Variants in PPIB observed in about 807,000 individuals in gnomAD.
PPIB encodes the protein peptidylprolyl isomerase B, also known as peptidyl-prolyl cis-trans isomerase B.
PPIB carries 15 observed loss-of-function variants against 20.1 expected under a neutral mutation model. The ratio of observed to expected loss-of-function variants is 0.75; its 90% CI spans 0.50 to 1.15. The LOEUF (loss-of-function observed/expected upper bound fraction) is 1.15. Among genes scored for constraint, PPIB ranks in the 50% most tolerant of loss-of-function variants. The probability of loss-of-function intolerance (pLI) is 0.00; values close to 1 mark genes in which losing one functional copy is unlikely to be tolerated. For synonymous variants in PPIB, 129 were observed against 111.0 expected (o/e 1.16, Z -1.02); for missense variants, 278 against 283.0 (o/e 0.98, Z 0.13).
At position 64,160,141 on chromosome 15, in the gene PPIB, G is replaced by A; in HGVS notation, c.306C>T (p.Ile102=). Residue 102 remains isoleucine, a synonymous_variant, in exon 3 of 5, where the codon ATC becomes ATT. Transcript: ENST00000300026. The surrounding 1 kb of genome is among the most constrained non-coding windows in gnomAD (Gnocchi z 4.8). ...KFHRVIKDFM[I]QGGDFTRGDG... The stretch of plus-strand genomic sequence containing the variant: ...CTCCCCTGGTGAAGTCTCCGCCCTG[G>A]ATCATGAAGTCCTTGATTACACGAT... 1.9e-6 allele frequency: 3 copies of A among 1,614,110 alleles called. No individual in the cohort carries two copies. Among genetic ancestry groups the A allele is most frequent in the Admixed American group, 3.3e-5 (2 of 60,022 alleles).
chr15:64,162,088 T>A lies in PPIB; in HGVS notation c.202A>T (p.Thr68Ser). 1.2e-6 allele frequency: 2 copies of A among 1,614,152 alleles called. No homozygotes were observed. The highest frequency in any genetic ancestry group is 2.2e-5 in the South Asian group (2 of 91,086). ...AAATTATCCACTGTTTTTGGAACAG[T>A]CTTTCCGAAGAGACCAAAGATCACC... The part of the protein sequence containing the change: ...GRVIFGLFGK[T>S]VPKTVDNFVA... The change falls in exon 2 of 5, where the codon ACT becomes TCT. Residue 68 changes from threonine (T) to serine (S), a missense_variant. Physicochemically the swap from Thr to Ser is moderately conservative, Grantham distance 58. Coordinates refer to ENST00000300026, the MANE Select transcript of PPIB (RefSeq NM_000942.5).
rs747235485 is a variant in PPIB at position 64,159,680 on chromosome 15, A to G, written c.343+424T>C. 3.6e-6 allele frequency: 1 copy of G among 277,698 alleles called. No homozygotes were observed. Among genetic ancestry groups the G allele is most frequent in the Non-Finnish European group, 7.0e-6 (1 of 142,172 alleles). The allele number at this position is 277,698 out of a possible 1,614,324, so 17.2% of individuals were successfully genotyped here. A position where few individuals can be genotyped will look rare whatever the true frequency, so the allele number is the denominator to read the frequency against. On this transcript the variant is annotated intron_variant, in intron 3 of 4. Coordinates refer to ENST00000300026, the MANE Select transcript of PPIB (RefSeq NM_000942.5). This position sits in a 1 kb window ranked among gnomAD's most constrained non-coding sequence, Gnocchi z 5.1. ...GCCTTCCAAAGTGCTGGGATCACAG[A>G]GTCACCACGCCTGGCCCTCTCACTC... is the stretch of plus-strand genomic sequence containing the variant.
chr15:64,156,004 A>C lies in PPIB; in HGVS notation c.*19T>G. The C allele has an allele frequency of 1.2e-6, 2 of 1,614,098 alleles. No homozygotes were observed. The highest frequency in any genetic ancestry group is 1.7e-6 in the Non-Finnish European group (2 of 1,179,982). On this transcript the variant is annotated 3_prime_UTR_variant, in exon 5 of 5. Coordinates refer to ENST00000300026, the MANE Select transcript of PPIB (RefSeq NM_000942.5). The surrounding 1 kb of genome is among the most constrained non-coding windows in gnomAD (Gnocchi z 6.4). ...AGGGCCTGCACAGACGGTCACTCAA[A>C]GAAAGATGTCCCTGTGCCCTACTCC... is the stretch of plus-strand genomic sequence containing the variant.
At position 64,155,983 on chromosome 15, in the gene PPIB, C is replaced by T. The variant is rs2081526877; in HGVS notation, c.*40G>A. 1.9e-6 allele frequency: 3 copies of T among 1,613,734 alleles called. No individual in the cohort carries two copies. In the Admixed American group the frequency reaches 5.0e-5, roughly 27 times the overall value. On this transcript the variant is annotated 3_prime_UTR_variant, in exon 5 of 5. Coordinates refer to ENST00000300026, the MANE Select transcript of PPIB (RefSeq NM_000942.5). Reference sequence around the variant, plus strand: ...CAGAGCCCTGTGGCGGACTACAGGGCCTGCACAGACGGTCACTCAAAGAAA... The same window carrying T: ...CAGAGCCCTGTGGCGGACTACAGGGTCTGCACAGACGGTCACTCAAAGAAA...
In PPIB at chr15:64,161,378, G is replaced by C. The variant is rs554453480; in HGVS notation, c.249+663C>G. 6.6e-5 allele frequency among the ~76,000 whole-genome samples: 10 copies of C among 152,026 alleles called. No individual in the cohort carries two copies. Among genetic ancestry groups the C allele is most frequent in the Admixed American group, 5.9e-4 (9 of 15,274 alleles). On this transcript the variant is annotated intron_variant, in intron 2 of 4. Coordinates refer to ENST00000300026, the MANE Select transcript of PPIB (RefSeq NM_000942.5). This position sits in a 1 kb window ranked among gnomAD's most constrained non-coding sequence, Gnocchi z 4.2. Reference sequence around the variant, plus strand: ...AACCTCCATTTCACTTCAGCCTCCTGAGTAGCTGTAGCTGGGACCACAGGT... The same window carrying C: ...AACCTCCATTTCACTTCAGCCTCCTCAGTAGCTGTAGCTGGGACCACAGGT...
chr15:64,159,985 T>G lies in PPIB; in HGVS notation c.343+119A>C. Reference sequence around the variant, plus strand: ...CGCTGGTCTCAAAGTAGGTAAGTAATAAGTAGGCCTGCCTCTAGAGCTGGG... The same window carrying G: ...CGCTGGTCTCAAAGTAGGTAAGTAAGAAGTAGGCCTGCCTCTAGAGCTGGG... On this transcript the variant is annotated intron_variant, in intron 3 of 4. Transcript: ENST00000300026. This position sits in a 1 kb window ranked among gnomAD's most constrained non-coding sequence, Gnocchi z 5.1. 1.1e-6 allele frequency: 1 copy of G among 874,538 alleles called. No homozygotes were observed. Among genetic ancestry groups the G allele is most frequent in the Middle Eastern group, 3.2e-4 (1 of 3,116 alleles). 54.2% of individuals were successfully genotyped at this position (874,538 alleles called of 1,614,324 possible).
chr15:64,162,623 A>G (rs941304448), intron 1 of PPIB, among the ~76,000 whole-genome samples: 31 of 150,994 alleles, frequency 2.1e-4, no homozygotes, highest in African/African-American at 6.1e-4. Flanking sequence ...TGAGACTGCC[A>G]GTGTCGGCCC....
rs369952028 is a variant in PPIB at position 64,156,126 on chromosome 15, T to G, written c.548A>C (p.Glu183Ala). ...LEGMEVVRKV[E>A]STKTDSRDKP... The stretch of plus-strand genomic sequence containing the variant: ...ATCCCGGCTGTCTGTCTTGGTGCTC[T>G]CCACCTTCCGCACCACCTCCTGGAA... The change falls in exon 5 of 5, where the codon GAG becomes GCG. Residue 183 changes from glutamate (E) to alanine (A), a missense_variant. Transcript: ENST00000300026. The surrounding 1 kb of genome is among the most constrained non-coding windows in gnomAD (Gnocchi z 6.4). 131 of 1,614,044 alleles carry G rather than the reference T, an allele frequency of 8.1e-5. No individual in the cohort carries two copies. Among genetic ancestry groups the G allele is most frequent in the Non-Finnish European group, 1.1e-4 (124 of 1,180,034 alleles).
chr15:64,156,685 T>G lies in PPIB; in HGVS notation c.528+40A>C. 38 of 1,607,962 alleles carry G rather than the reference T, an allele frequency of 2.4e-5. No individual in the cohort carries two copies. Among genetic ancestry groups the G allele is most frequent in the Middle Eastern group, 1.7e-4 (1 of 6,052 alleles). ...CCTGGGGTCTGTGTTGAATCCCCGG[T>G]GAGGATTGCCCAGTAGTAGCCCTTG... On this transcript the variant is annotated intron_variant, in intron 4 of 4. Coordinates refer to ENST00000300026, the MANE Select transcript of PPIB (RefSeq NM_000942.5). This position sits in a 1 kb window ranked among gnomAD's most constrained non-coding sequence, Gnocchi z 6.4.
Position 64,156,620 on chromosome 15 carries a change from G to T in PPIB, c.528+105C>A. ...GAGCACTGGGCTGCATCTGTGGGTT[G>T]GGTCCTTTTGGGAAAGGGATGGACA... is the stretch of plus-strand genomic sequence containing the variant. On this transcript the variant is annotated intron_variant, in intron 4 of 4. Transcript: ENST00000300026. This position sits in a 1 kb window ranked among gnomAD's most constrained non-coding sequence, Gnocchi z 6.4. 1 of 1,348,026 alleles carries T rather than the reference G, an allele frequency of 7.4e-7. No homozygotes were observed. The highest frequency in any genetic ancestry group is 1.2e-5 in the South Asian group (1 of 85,148). 83.5% of individuals were successfully genotyped at this position (1,348,026 alleles called of 1,614,324 possible).
chr15:64,162,994 C>G lies in PPIB; in HGVS notation c.-8G>C, dbSNP rs757856817. On this transcript the variant is annotated 5_prime_UTR_variant, in exon 1 of 5. Transcript: ENST00000300026. ...TTCGGAGAGGCGCAGCATCCACAGG[C>G]GGAGGCGAAAGCAGCCCGGACAGCT... 1.1e-4 allele frequency: 174 copies of G among 1,584,134 alleles called. No homozygotes were observed. Among genetic ancestry groups the G allele is most frequent in the Non-Finnish European group, 1.4e-4 (167 of 1,161,936 alleles).
intron 1 of PPIB, 35 bp from the exon 2 acceptor site, chr15:64,162,189 T>C: frequency 1.3e-6 from 2 of 1,493,446 alleles, no homozygotes; most frequent in Non-Finnish European, 1.9e-6. Context: ...TTAGCTTCTT[T>C]AAAGGGGCGT....
chr15:64,156,956 C>A lies in PPIB; in HGVS notation c.344-47G>T. 2 of 1,592,432 alleles carry A rather than the reference C, an allele frequency of 1.3e-6. No homozygotes were observed. Among genetic ancestry groups the A allele is most frequent in the Middle Eastern group, 1.8e-4 (1 of 5,434 alleles). Reference sequence around the variant, plus strand: ...GTCAGGGGCGCTGGATTGCGCCAAACCAAGCAGACATTCGGGGCCAGGACT... The same window carrying A: ...GTCAGGGGCGCTGGATTGCGCCAAAACAAGCAGACATTCGGGGCCAGGACT... On this transcript the variant is annotated intron_variant, in intron 3 of 4. Coordinates refer to ENST00000300026, the MANE Select transcript of PPIB (RefSeq NM_000942.5). This position sits in a 1 kb window ranked among gnomAD's most constrained non-coding sequence, Gnocchi z 6.4.
In PPIB at chr15:64,160,238, A is replaced by C. The variant is rs753103596; in HGVS notation, c.250-41T>G. The stretch of plus-strand genomic sequence containing the variant: ...AGAAGGTAAGGAGGTGGTATGGGGC[A>C]GCAGGAAGACATTACATTAAATAGG... On this transcript the variant is annotated intron_variant, in intron 2 of 4. Transcript: ENST00000300026. The surrounding 1 kb of genome is among the most constrained non-coding windows in gnomAD (Gnocchi z 4.8). The C allele has an allele frequency of 7.3e-6, 11 of 1,501,000 alleles. No individual in the cohort carries two copies. In the Admixed American group the frequency reaches 1.8e-4, roughly 25 times the overall value. The allele number at this position is 1,501,000 out of a possible 1,614,324, so 93.0% of individuals were successfully genotyped here. A position where few individuals can be genotyped will look rare whatever the true frequency, so the allele number is the denominator to read the frequency against.
chr15:64,157,251 C>A lies in PPIB; in HGVS notation c.344-342G>T. On this transcript the variant is annotated intron_variant, in intron 3 of 4. Transcript: ENST00000300026. The surrounding 1 kb of genome is among the most constrained non-coding windows in gnomAD (Gnocchi z 4.2). ...GAGGGACTTTGGTGGAGGGAAGTGCCGTGCAGGATGCAGGGGAGTCAACAG... is the reference window on the plus strand; with the variant it reads ...GAGGGACTTTGGTGGAGGGAAGTGCAGTGCAGGATGCAGGGGAGTCAACAG... The A allele has an allele frequency of 2.8e-6, 1 of 358,402 alleles. No individual in the cohort carries two copies. Among genetic ancestry groups the A allele is most frequent in the South Asian group, 2.9e-5 (1 of 34,220 alleles). The allele number at this position is 358,402 out of a possible 1,614,324, so 22.2% of individuals were successfully genotyped here.
intron 1 of PPIB, 105 bp downstream of exon 1, chr15:64,162,747 C>G: frequency 6.5e-7 from 1 of 1,531,616 alleles, no homozygotes; most frequent in Non-Finnish European, 8.8e-7. Context: ...CCAGACGCCA[C>G]GAGGCCACAG....
In PPIB at chr15:64,155,991, G is replaced by A; in HGVS notation, c.*32C>T. ...TGTGGCGGACTACAGGGCCTGCACA[G>A]ACGGTCACTCAAAGAAAGATGTCCC... On this transcript the variant is annotated 3_prime_UTR_variant, in exon 5 of 5. Coordinates refer to ENST00000300026, the MANE Select transcript of PPIB (RefSeq NM_000942.5). 1.2e-6 allele frequency: 2 copies of A among 1,614,050 alleles called. No individual in the cohort carries two copies. The highest frequency in any genetic ancestry group is 1.7e-6 in the Non-Finnish European group (2 of 1,179,976).
At position 64,161,124 on chromosome 15, in the gene PPIB, C is replaced by G. The variant is rs1237686856; in HGVS notation, c.249+917G>C. The stretch of plus-strand genomic sequence containing the variant: ...TACAGGCGCCTACCACTACACCTGG[C>G]TAATTTTTTGTATTTTTAGTAGAGA... On this transcript the variant is annotated intron_variant, in intron 2 of 4. Coordinates refer to ENST00000300026, the MANE Select transcript of PPIB (RefSeq NM_000942.5). The surrounding 1 kb of genome is among the most constrained non-coding windows in gnomAD (Gnocchi z 4.2). Among the ~76,000 whole-genome samples, 1 of 151,628 alleles carries G rather than the reference C, an allele frequency of 6.6e-6. No individual in the cohort carries two copies. Among genetic ancestry groups the G allele is most frequent in the Non-Finnish European group, 1.5e-5 (1 of 67,966 alleles).
rs990573204 is a variant in PPIB at position 64,156,493 on chromosome 15, G to A, written c.528+232C>T. ...GCACGTCACTGAGTGAAGGAGGGGA[G>A]GGAGGCTCTGGCAGTTGTGCAGCCT... On this transcript the variant is annotated intron_variant, in intron 4 of 4. Transcript: ENST00000300026. The surrounding 1 kb of genome is among the most constrained non-coding windows in gnomAD (Gnocchi z 6.4). 5 of 639,408 alleles carry A rather than the reference G, an allele frequency of 7.8e-6. No individual in the cohort carries two copies. Among genetic ancestry groups the A allele is most frequent in the Non-Finnish European group, 1.4e-5 (5 of 362,238 alleles). 39.6% of individuals were successfully genotyped at this position (639,408 alleles called of 1,614,324 possible). A position where few individuals can be genotyped will look rare whatever the true frequency, so the allele number is the denominator to read the frequency against.
Sources: gnomAD v4.1 joint callset for allele counts (sites outside exome capture counted in the v4.1 genomes callset) on GRCh38, gnomAD v4.1.1 for gene constraint, Gnocchi (gnomAD v3.1) non-coding constraint, MANE v1.5 for transcripts, NCBI Gene and HGNC (gene_info 2026-07-23, HGNC 2026-07-21) for gene names.